Variants in EI24 observed in about 807,000 individuals in gnomAD.
EI24 encodes etoposide-induced protein 2.4 homolog.
A neutral mutation model predicts 48.6 loss-of-function variants in EI24; 21 were observed. The ratio of observed to expected loss-of-function variants is 0.43; its 90% CI spans 0.31 to 0.62. The LOEUF (loss-of-function observed/expected upper bound fraction) is 0.62, where lower values mean the gene tolerates loss of function less well. Ranked by LOEUF, EI24 falls within the 20% of genes least tolerant of loss-of-function variation. The pLI is 0.10. For synonymous variants in EI24, 114 were observed against 145.5 expected (o/e 0.78, Z 1.56); for missense variants, 280 against 410.5 (o/e 0.68, Z 2.75).
chr11:125,576,014 C>T (rs774209464), intron 3 of EI24: 1 of 500,104 alleles, frequency 2.0e-6, no homozygotes, highest in Non-Finnish European at 3.6e-6. Flanking sequence ...TGGTCTCGAA[C>T]TCCTGACCTC....
chr11:125,571,664 A>G (rs575749682), intron 1 of EI24, among the ~76,000 whole-genome samples: 1 of 152,164 alleles, frequency 6.6e-6, no homozygotes, highest in Non-Finnish European at 1.5e-5. Context: ...ATCACCTGAG[A>G]TCAGGAGTTT....
chr11:125,577,558 G>A lies in EI24; in HGVS notation c.304G>A (p.Ala102Thr). Residue 102 changes from alanine to threonine, a missense_variant, in exon 5 of 11, where the codon GCC becomes ACC. Transcript: ENST00000278903. Reference sequence around the variant, plus strand: ...TATTCCTGTGCTTCAGTCGGTAACAGCCCGAATTATCGGTAAGTGTATACC... The same window carrying A: ...TATTCCTGTGCTTCAGTCGGTAACAACCCGAATTATCGGTAAGTGTATACC... Reference protein sequence around the residue: ...VFIPVLQSVTARIIGDPSLHG... With the variant: ...VFIPVLQSVTTRIIGDPSLHG... 1 of 1,613,774 alleles carries A rather than the reference G, an allele frequency of 6.2e-7. No individual in the cohort carries two copies. The highest frequency in any genetic ancestry group is 8.5e-7 in the Non-Finnish European group (1 of 1,179,768).
intron 10 of EI24, among the ~76,000 whole-genome samples, chr11:125,583,170 G>A (rs1336481983): frequency 2.6e-5 from 4 of 151,778 alleles, no homozygotes; most frequent in African/African-American, 9.7e-5. Flanking sequence ...GCGTGATCTC[G>A]GCTCACTGCA....
chr11:125,575,203 G>A, intron 2 of EI24, 60 bp from the exon 3 acceptor site: 1 of 1,440,044 alleles, frequency 6.9e-7, no homozygotes, highest in Non-Finnish European at 9.3e-7. Flanking sequence ...CTGTAGCTTG[G>A]GTGACAAAGC....
chr11:125,580,367 A>G (rs937140801), intron 8 of EI24, among the ~76,000 whole-genome samples, 163 bp downstream of exon 8: 1 of 152,066 alleles, frequency 6.6e-6, no homozygotes, highest in Non-Finnish European at 1.5e-5. Context: ...AGTGGGTTTA[A>G]CTCTCAACTT....
intron 10 of EI24, among the ~76,000 whole-genome samples, chr11:125,583,025 ATAAC>A (rs1468464132): frequency 1.4e-4 from 22 of 152,258 alleles, no homozygotes; most frequent in Non-Finnish European, 2.8e-4. Context: ...AATCTAAAAT[ATAAC>A]TATTTCCTGT....
chr11:125,573,679 CTTT>C (rs61292979), intron 2 of EI24: 8 of 93,230 alleles, frequency 8.6e-5, no homozygotes, highest in Admixed American at 1.6e-4. Flanking sequence ...ATATGATCTC[CTTT>C]TTTTTTTTTT....
At chr11:125,579,865 T>G (rs1938918951) in intron 7 of EI24, among the ~76,000 whole-genome samples, 1 of 152,128 alleles carries the variant, frequency 6.6e-6, no homozygotes, top group Non-Finnish European at 1.5e-5. Flanking sequence ...GGTCTCAGTA[T>G]GTTGCCCAGT....
intron 3 of EI24, chr11:125,575,929 C>A: frequency 2.6e-6 from 1 of 388,288 alleles, no homozygotes. Flanking sequence ...GCTGGAAGTA[C>A]AGGTGCGCAC....
chr11:125,573,564 G>T (rs1269615076), intron 2 of EI24: 1 of 327,560 alleles, frequency 3.1e-6, no homozygotes, highest in South Asian at 2.4e-5. Context: ...AACTATGATG[G>T]TACCAGTGCA....
intron 7 of EI24, among the ~76,000 whole-genome samples, chr11:125,579,663 C>T (rs1938910071): frequency 6.6e-6 from 1 of 152,020 alleles, no homozygotes; most frequent in Non-Finnish European, 1.5e-5. Context: ...GCAAAACTGT[C>T]TCAAAAATAA....
chr11:125,577,625 C>T, intron 5 of EI24, 55 bp downstream of exon 5: 1 of 1,388,830 alleles, frequency 7.2e-7, no homozygotes, highest in Non-Finnish European at 1.0e-6. Flanking sequence ...GATGATGTTT[C>T]AGTCTCCCTC....
Position 125,579,351 on chromosome 11 carries a change from A to AT in EI24, c.561+298dup, listed in dbSNP as rs562498961. The stretch of plus-strand genomic sequence containing the variant: ...TTTTTTCTTTTTATAGTTATGCCTA[A>AT]TTTTTTTTTTTTTTTAAAGAGACAG... On this transcript the variant is annotated intron_variant, in intron 7 of 10. Coordinates refer to ENST00000278903, the MANE Select transcript of EI24 (RefSeq NM_004879.5). 2.7e-3 allele frequency among the ~76,000 whole-genome samples: 383 copies of AT among 144,242 alleles called. 1 individual carries two copies. The highest frequency in any genetic ancestry group is 0.012 in the East Asian group (59 of 4,994). The allele number at this position is 144,242 out of a possible 152,430, so 94.6% of individuals were successfully genotyped here. A position where few individuals can be genotyped will look rare whatever the true frequency, so the allele number is the denominator to read the frequency against.
intron 1 of EI24, among the ~76,000 whole-genome samples, chr11:125,572,219 G>T (rs914965062): frequency 6.6e-6 from 1 of 151,894 alleles, no homozygotes; most frequent in African/African-American, 2.4e-5. Context: ...AAAATGAGAG[G>T]GTGTAAAATG....
rs1491207956 is a variant in EI24 at position 125,582,338 on chromosome 11, TTA to T, written c.786-7_786-6del. On this transcript the variant is annotated splice_polypyrimidine_tract_variant and splice_region_variant and intron_variant, in intron 9 of 10. Coordinates refer to ENST00000278903, the MANE Select transcript of EI24 (RefSeq NM_004879.5). The stretch of plus-strand genomic sequence containing the variant: ...GACTAATTATTTCTTTTTTTTTTTT[TTA>T]AACAGTGGCTGCCTTTTCTCTATCC... The T allele has an allele frequency of 1.9e-6, 3 of 1,543,644 alleles. No individual in the cohort carries two copies. The highest frequency in any genetic ancestry group is 1.2e-5 in the South Asian group (1 of 81,106).
rs981077045 is a variant in EI24 at position 125,584,279 on chromosome 11, TA to T, written c.*597del. 15 of 112,416 alleles carry T rather than the reference TA, an allele frequency of 1.3e-4. No individual in the cohort carries two copies. The highest frequency in any genetic ancestry group is 5.3e-4 in the African/African-American group (15 of 28,412). The allele number at this position is 112,416 out of a possible 1,614,324, so 7.0% of individuals were successfully genotyped here. ...AAAAAAAAAGCCTGAAGAGATGAGA[TA>T]GGAGGAAAGACCTCACAGCCAGATC... On this transcript the variant is annotated 3_prime_UTR_variant, in exon 11 of 11. Coordinates refer to ENST00000278903, the MANE Select transcript of EI24 (RefSeq NM_004879.5).
intron 9 of EI24, 118 bp from the exon 10 acceptor site, chr11:125,582,228 T>G (rs1267091185): frequency 2.2e-6 from 2 of 924,252 alleles, no homozygotes; most frequent in African/African-American, 3.4e-5. Context: ...ATATTGAGGT[T>G]TCATCAAGCC....
At chr11:125,577,410 G>A in intron 4 of EI24, 94 bp from the exon 5 acceptor site, 1 of 1,274,606 alleles carries the variant, frequency 7.8e-7, no homozygotes. Context: ...ATTTATAAAA[G>A]TCACTCCCAT....
intron 10 of EI24, 68 bp downstream of exon 10, chr11:125,582,488 G>T (rs535423740): frequency 3.2e-4 from 388 of 1,202,458 alleles, no homozygotes; most frequent in Non-Finnish European, 4.3e-4. Context: ...AGTTATGTCA[G>T]TGAGGCTTTT....
Sources: gnomAD v4.1 joint callset for allele counts (sites outside exome capture counted in the v4.1 genomes callset) on GRCh38, gnomAD v4.1.1 for gene constraint, MANE v1.5 for transcripts, NCBI Gene and HGNC (gene_info 2026-07-23, HGNC 2026-07-21) for gene names.